LRRC37A2: variants seen among roughly 807,000 people sequenced by gnomAD.
The protein encoded by LRRC37A2 is leucine rich repeat containing 37 member A2.
A neutral mutation model predicts 68.8 loss-of-function variants in LRRC37A2; 9 were observed. The observed-to-expected ratio is 0.13, with a 90% CI of 0.08 to 0.23. The LOEUF is 0.23. LRRC37A2 is among the 10% of genes least tolerant of loss of function. The pLI, the probability that LRRC37A2 is intolerant of heterozygous loss-of-function variation, is 1.00. For missense variants in LRRC37A2, 168 were observed against 950.4 expected, an observed-to-expected ratio of 0.18 and a Z score of 10.82; for synonymous variants, 63 against 367.6, an observed-to-expected ratio of 0.17 and a Z score of 9.48.
the LRRC37A2 span, chr17:47,021,560 T>A: frequency 2.1e-6 from 1 of 471,852 alleles, no homozygotes; most frequent in Non-Finnish European, 3.6e-6. Context: ...GACACATAAG[T>A]GCTTTTAGAT....
At chr17:46,534,866 G>C (rs1319912486) in intron 6 of LRRC37A2, among the ~76,000 whole-genome samples, 12 of 149,636 alleles carry the variant, frequency 8.0e-5, no homozygotes, top group Admixed American at 6.6e-4. Context: ...CTGCCGGGCA[G>C]AGGGGCTCCT....
chr17:47,033,133 C>T, the LRRC37A2 span: 2 of 576,154 alleles, frequency 3.5e-6, no homozygotes, highest in African/African-American at 2.0e-5. Context: ...AGGAGAATCA[C>T]TTGACTCCAG....
the LRRC37A2 span, among the ~76,000 whole-genome samples, chr17:46,852,084 G>A: frequency 6.6e-6 from 1 of 152,234 alleles, no homozygotes; most frequent in Non-Finnish European, 1.5e-5. Flanking sequence ...GGATCCTCAC[G>A]CCGGTGCCCT....
the LRRC37A2 span, among the ~76,000 whole-genome samples, chr17:46,717,936 C>A: frequency 1.3e-5 from 2 of 152,172 alleles, no homozygotes; most frequent in Non-Finnish European, 2.9e-5. Context: ...CAACAAAGAC[C>A]CTGGCCCAGA....
the LRRC37A2 span, among the ~76,000 whole-genome samples, chr17:46,889,132 G>C: frequency 6.6e-6 from 1 of 152,026 alleles, no homozygotes; most frequent in Non-Finnish European, 1.5e-5. Context: ...ACCTTTATTC[G>C]TATCCTAGAC....
chr17:46,877,873 A>G, the LRRC37A2 span, among the ~76,000 whole-genome samples: 181 of 152,316 alleles, frequency 1.2e-3, no homozygotes, highest in African/African-American at 4.2e-3. Flanking sequence ...GCTCCTGGGT[A>G]GCCTCCTTCA....
chr17:46,752,292 C>T, the LRRC37A2 span, among the ~76,000 whole-genome samples: 1 of 152,182 alleles, frequency 6.6e-6, no homozygotes, highest in Non-Finnish European at 1.5e-5. Context: ...CTCCACCCTT[C>T]CATGTGCCCA....
chr17:46,715,511 A>C, the LRRC37A2 span, among the ~76,000 whole-genome samples: 1 of 152,228 alleles, frequency 6.6e-6, no homozygotes, highest in Non-Finnish European at 1.5e-5. Flanking sequence ...CAAAAGTAGT[A>C]GTCATCTTTG....
At chr17:46,822,021 C>T in the LRRC37A2 span, among the ~76,000 whole-genome samples, 1 of 152,196 alleles carries the variant, frequency 6.6e-6, no homozygotes, top group Non-Finnish European at 1.5e-5. Flanking sequence ...AGGCGGGAGT[C>T]GGGAGCCGGA....
At chr17:46,820,663 T>C in the LRRC37A2 span, among the ~76,000 whole-genome samples, 3 of 152,164 alleles carry the variant, frequency 2.0e-5, no homozygotes, top group Non-Finnish European at 4.4e-5. Flanking sequence ...TTGCCATGAA[T>C]GCAGAGCCTC....
At chr17:46,953,901 ATTTG>A in the LRRC37A2 span, among the ~76,000 whole-genome samples, 8 of 152,190 alleles carry the variant, frequency 5.3e-5, no homozygotes, top group South Asian at 2.1e-4. Flanking sequence ...TTTCTTGTAA[ATTTG>A]TTTGAGTTCA....
At chr17:46,687,383 A>G in the LRRC37A2 span, among the ~76,000 whole-genome samples, 2 of 151,374 alleles carry the variant, frequency 1.3e-5, no homozygotes, top group African/African-American at 4.9e-5. Context: ...TAATCTTATC[A>G]TGCTAGAAAC....
At chr17:47,023,687 C>T in the LRRC37A2 span, among the ~76,000 whole-genome samples, 2 of 152,036 alleles carry the variant, frequency 1.3e-5, no homozygotes, top group Admixed American at 1.3e-4. Context: ...CTCCACCTCC[C>T]GGGTTCAAGC....
At chr17:46,775,892 C>T in the LRRC37A2 span, among the ~76,000 whole-genome samples, 10 of 151,850 alleles carry the variant, frequency 6.6e-5, no homozygotes, top group African/African-American at 2.2e-4. Context: ...GGATTACAGG[C>T]GCGAGCCACC....
the LRRC37A2 span, among the ~76,000 whole-genome samples, chr17:46,798,087 C>G: frequency 6.6e-6 from 1 of 152,262 alleles, no homozygotes; most frequent in South Asian, 2.1e-4. Flanking sequence ...TGCTAACACA[C>G]CCAGCTAATT....
At chr17:47,034,848 T>C in the LRRC37A2 span, among the ~76,000 whole-genome samples, 1 of 152,146 alleles carries the variant, frequency 6.6e-6, no homozygotes, top group Non-Finnish European at 1.5e-5. Flanking sequence ...ACGAAGGATA[T>C]TTAAAGCCCT....
chr17:46,950,735 G>A, the LRRC37A2 span, among the ~76,000 whole-genome samples: 1 of 152,154 alleles, frequency 6.6e-6, no homozygotes, highest in East Asian at 1.9e-4. Context: ...CTGTGTGGGG[G>A]CACTCTTCTG....
the LRRC37A2 span, among the ~76,000 whole-genome samples, chr17:46,834,481 G>A: frequency 2.9e-4 from 44 of 152,312 alleles, no homozygotes; most frequent in East Asian, 8.3e-3. Context: ...AGGCATGGCT[G>A]GGCTTTACAA....
the LRRC37A2 span, among the ~76,000 whole-genome samples, chr17:46,880,792 C>T: frequency 1.3e-5 from 2 of 152,180 alleles, no homozygotes; most frequent in Admixed American, 1.3e-4. Flanking sequence ...TCTGGGTAAA[C>T]TAAGGCCTAG....
Sources: gnomAD v4.1 joint callset for allele counts (sites outside exome capture counted in the v4.1 genomes callset) on GRCh38, gnomAD v4.1.1 for gene constraint, MANE v1.5 for transcripts, NCBI Gene and HGNC (gene_info 2026-07-23, HGNC 2026-07-21) for gene names.